Variants in PDLIM5 observed in about 807,000 individuals in gnomAD.
PDLIM5 encodes PDZ and LIM domain protein 5.
A neutral mutation model predicts 64.2 loss-of-function variants in PDLIM5; 34 were observed. The ratio of observed to expected loss-of-function variants is 0.53; its 90% CI spans 0.40 to 0.71. The LOEUF is 0.71. PDLIM5 is among the 30% of genes least tolerant of loss of function. The pLI is 0.00. For synonymous variants in PDLIM5, 253 were observed against 269.1 expected, an observed-to-expected ratio of 0.94 and a Z score of 0.59; for missense variants, 683 against 733.6, an observed-to-expected ratio of 0.93 and a Z score of 0.80.
intron 2 of PDLIM5, among the ~76,000 whole-genome samples, chr4:94,522,248 A>G (rs1322652360): frequency 6.6e-6 from 1 of 152,236 alleles, no homozygotes; most frequent in Non-Finnish European, 1.5e-5. Flanking sequence ...CCGAAGTCCC[A>G]GAGAAAGTGG....
At chr4:94,481,253 G>C (rs1725819471) in intron 2 of PDLIM5, among the ~76,000 whole-genome samples, 1 of 150,032 alleles carries the variant, frequency 6.7e-6, no homozygotes, top group Admixed American at 6.6e-5. Flanking sequence ...GTGTGGGGTT[G>C]CTGCATTATC....
At chr4:94,550,411 G>A (rs1732708439) in intron 3 of PDLIM5, among the ~76,000 whole-genome samples, 1 of 152,170 alleles carries the variant, frequency 6.6e-6, no homozygotes, top group Non-Finnish European at 1.5e-5. Flanking sequence ...TTGGTAGCAA[G>A]CATTTAGCAA....
At chr4:94,520,747 A>G (rs28595335) in intron 2 of PDLIM5, among the ~76,000 whole-genome samples, 12,988 of 152,216 alleles carry the variant, frequency 0.085, 1,317 homozygotes, top group African/African-American at 0.24. Flanking sequence ...ACATCTTATG[A>G]GTAGGAAGCC....
intron 3 of PDLIM5, among the ~76,000 whole-genome samples, chr4:94,567,547 G>C (rs899029050): frequency 1.3e-5 from 2 of 151,084 alleles, no homozygotes; most frequent in African/African-American, 2.4e-5. Flanking sequence ...TATAGTTCAT[G>C]ACTGTTAAAA....
chr4:94,494,427 T>C (rs1469009553), intron 2 of PDLIM5, among the ~76,000 whole-genome samples: 1 of 126,474 alleles, frequency 7.9e-6, no homozygotes, highest in African/African-American at 3.0e-5. Context: ...AATTTTTTTT[T>C]TCTTGTTTTT....
chr4:94,574,217 G>A (rs1473421508), intron 4 of PDLIM5, among the ~76,000 whole-genome samples: 2 of 152,102 alleles, frequency 1.3e-5, no homozygotes, highest in Non-Finnish European at 2.9e-5. Context: ...ATGAATTGAG[G>A]CTGCGCGCGG....
intron 9 of PDLIM5, among the ~76,000 whole-genome samples, chr4:94,653,861 T>C (rs1490168562): frequency 6.6e-6 from 1 of 152,138 alleles, no homozygotes; most frequent in Non-Finnish European, 1.5e-5. Context: ...CAATTGATAA[T>C]ACCTAGTTTA....
intron 9 of PDLIM5, among the ~76,000 whole-genome samples, chr4:94,647,374 T>C (rs1741498985): frequency 6.6e-6 from 1 of 151,644 alleles, no homozygotes; most frequent in Non-Finnish European, 1.5e-5. Context: ...ATAAAATCGA[T>C]GTTAAGACAA....
chr4:94,604,253 G>T (rs1412402840), intron 7 of PDLIM5, among the ~76,000 whole-genome samples: 1 of 152,178 alleles, frequency 6.6e-6, no homozygotes, highest in Non-Finnish European at 1.5e-5. Flanking sequence ...TGAGGAATGT[G>T]CACAAAAAGA....
intron 7 of PDLIM5, chr4:94,587,231 A>T: frequency 6.9e-7 from 1 of 1,442,584 alleles, no homozygotes; most frequent in Non-Finnish European, 9.0e-7. Context: ...TTGTTGTGAG[A>T]AAAGGAAGAT....
intron 7 of PDLIM5, among the ~76,000 whole-genome samples, chr4:94,599,619 C>G (rs965000961): frequency 2.6e-5 from 4 of 152,016 alleles, no homozygotes; most frequent in African/African-American, 9.7e-5. Context: ...GTGAAGAAAT[C>G]AAACAATTCA....
intron 7 of PDLIM5, among the ~76,000 whole-genome samples, chr4:94,595,902 A>G (rs141075058): frequency 1.2e-4 from 19 of 152,330 alleles, no homozygotes; most frequent in Admixed American, 3.3e-4. Context: ...GAACAGCAAG[A>G]TACATTCCCA....
intron 2 of PDLIM5, among the ~76,000 whole-genome samples, chr4:94,477,698 G>A (rs1725448678): frequency 6.6e-6 from 1 of 152,092 alleles, no homozygotes; most frequent in African/African-American, 2.4e-5. Context: ...TGAACTGCAT[G>A]GGTCCATTTA....
intron 2 of PDLIM5, among the ~76,000 whole-genome samples, chr4:94,498,957 G>C (rs1185858773): frequency 6.6e-6 from 1 of 152,070 alleles, no homozygotes; most frequent in Non-Finnish European, 1.5e-5. Context: ...AGCTGTTAAC[G>C]GTAAAAATGT....
intron 2 of PDLIM5, among the ~76,000 whole-genome samples, chr4:94,473,383 T>C (rs1725048127): frequency 6.6e-6 from 1 of 152,214 alleles, no homozygotes; most frequent in East Asian, 1.9e-4. Flanking sequence ...TGCCTCAGCC[T>C]CCCAAGTAGC....
At chr4:94,661,010 A>G (rs1339905555) in intron 11 of PDLIM5, among the ~76,000 whole-genome samples, 9 of 152,108 alleles carry the variant, frequency 5.9e-5, no homozygotes, top group Non-Finnish European at 1.2e-4. Context: ...CTTGAACCCG[A>G]GAGGTGGAGG....
At chr4:94,623,210 G>A (rs537389781) in intron 8 of PDLIM5, among the ~76,000 whole-genome samples, 1 of 151,696 alleles carries the variant, frequency 6.6e-6, no homozygotes, top group Non-Finnish European at 1.5e-5. Context: ...AAAATGCTTA[G>A]CTTCTTAACA....
intron 3 of PDLIM5, among the ~76,000 whole-genome samples, chr4:94,539,654 C>T (rs1299427990): frequency 6.6e-6 from 1 of 152,166 alleles, no homozygotes; most frequent in Non-Finnish European, 1.5e-5. Flanking sequence ...CAAGTAGCAA[C>T]TGGAACAGAG....
chr4:94,489,771 A>T (rs1355454253), intron 2 of PDLIM5, among the ~76,000 whole-genome samples: 1 of 152,006 alleles, frequency 6.6e-6, no homozygotes, highest in East Asian at 1.9e-4. Flanking sequence ...TACAAAATTT[A>T]AAAAATAAAA....
Sources: allele counts gnomAD v4.1 joint callset (sites outside exome capture counted in the v4.1 genomes callset), GRCh38; gene constraint gnomAD v4.1.1; transcripts MANE v1.5; gene names NCBI Gene and HGNC (gene_info 2026-07-23, HGNC 2026-07-21).